DMD: variants seen among roughly 807,000 people sequenced by gnomAD.
DMD encodes dystrophin, also known as mutant dystrophin.
Under a neutral mutation model 330.1 loss-of-function variants are expected in DMD, and 63 were observed. The ratio of observed to expected loss-of-function variants is 0.19; its 90% CI spans 0.16 to 0.24. The LOEUF (loss-of-function observed/expected upper bound fraction) is 0.24, where lower values mean the gene tolerates loss of function less well. Ranked by LOEUF, DMD falls within the 10% of genes least tolerant of loss-of-function variation. DMD has a pLI of 1.00. For synonymous variants in DMD, 1,223 were observed against 959.8 expected, an observed-to-expected ratio of 1.27 and a Z score of -5.07; for missense variants, 3,344 against 2,684.1, an observed-to-expected ratio of 1.25 and a Z score of -5.43.
chrX:31,228,309 C>T (rs1444778536), intron 63 of DMD, among the ~76,000 whole-genome samples: 1 of 105,758 alleles, frequency 9.5e-6, no homozygotes, highest in Non-Finnish European at 2.0e-5. Context: ...GCAGGGCAAA[C>T]GTTTAGCTTC....
At chrX:32,893,433 A>G (rs767178153) in intron 2 of DMD, among the ~76,000 whole-genome samples, 2 of 100,926 alleles carry the variant, frequency 2.0e-5, no homozygotes, top group South Asian at 5.3e-4. Flanking sequence ...TATCTCCTAT[A>G]TATGTTTGCA....
At chrX:32,036,853 T>C (rs1037700927) in intron 44 of DMD, among the ~76,000 whole-genome samples, 1 of 111,530 alleles carries the variant, frequency 9.0e-6, no homozygotes, top group African/African-American at 3.3e-5. Flanking sequence ...TAGAGTCATA[T>C]AAGCAAGGAA....
At chrX:33,099,283 C>T (rs775065090) in intron 1 of DMD, among the ~76,000 whole-genome samples, 5 of 110,919 alleles carry the variant, frequency 4.5e-5, no homozygotes, top group Non-Finnish European at 3.8e-5. Context: ...TCTTGTTGGG[C>T]GGTCTCTCCT....
chrX:32,190,600 T>C (rs1417660043), intron 44 of DMD, among the ~76,000 whole-genome samples: 1 of 88,797 alleles, frequency 1.1e-5, no homozygotes, highest in Non-Finnish European at 2.2e-5. Context: ...CCACAAGATT[T>C]TTATGGTGGT....
intron 55 of DMD, among the ~76,000 whole-genome samples, chrX:31,528,668 A>C (rs766893086): frequency 1.8e-5 from 2 of 112,229 alleles, no homozygotes; most frequent in Non-Finnish European, 3.8e-5. Flanking sequence ...TCTCATGTAC[A>C]ATTTCATTTC....
rs1220647724 is a variant in DMD at position 33,019,642 on chromosome X, A to G, written c.93+497T>C. 2.7e-5 allele frequency among the ~76,000 whole-genome samples: 3 copies of G among 111,680 alleles called. No homozygotes were observed. The Admixed American group carries it at 2.9e-4, about 11-fold the overall frequency. On this transcript the variant is annotated intron_variant, in intron 2 of 78. Transcript: ENST00000357033. ...TGCAAATTAAGTAAATATTAAGAGTATGGATTGAAGCCTGCACAAAAACAA... is the reference window on the plus strand; with the variant it reads ...TGCAAATTAAGTAAATATTAAGAGTGTGGATTGAAGCCTGCACAAAAACAA...
chrX:33,048,418 G>A (rs1369674680), intron 1 of DMD, among the ~76,000 whole-genome samples: 3 of 110,434 alleles, frequency 2.7e-5, no homozygotes, highest in African/African-American at 9.9e-5. Context: ...GACTGGGAGC[G>A]GTGGCTCACA....
At chrX:32,015,957 G>C (rs949134906) in intron 44 of DMD, among the ~76,000 whole-genome samples, 4 of 111,678 alleles carry the variant, frequency 3.6e-5, no homozygotes, top group Admixed American at 2.9e-4. Context: ...ACATCAGTTG[G>C]TGAGCATTAC....
chrX:32,211,878 A>G (rs1311537873), intron 44 of DMD, among the ~76,000 whole-genome samples: 2 of 112,155 alleles, frequency 1.8e-5, no homozygotes, highest in Non-Finnish European at 3.8e-5. Context: ...GGTAATTGTT[A>G]TTGTTTCTAC....
intron 60 of DMD, among the ~76,000 whole-genome samples, chrX:31,427,674 G>C (rs1488077449): frequency 3.6e-5 from 4 of 111,827 alleles, no homozygotes; most frequent in Non-Finnish European, 7.5e-5. Context: ...GTGGTGGTGA[G>C]GGGCATCCCA....
chrX:32,883,576 G>A (rs940337158), intron 2 of DMD, among the ~76,000 whole-genome samples: 2 of 110,148 alleles, frequency 1.8e-5, no homozygotes, highest in African/African-American at 3.3e-5. Flanking sequence ...TGTAATCCCC[G>A]CACTTTGGGA....
intron 30 of DMD, among the ~76,000 whole-genome samples, chrX:32,400,699 G>A (rs1468340837): frequency 1.8e-5 from 2 of 109,397 alleles, no homozygotes; most frequent in South Asian, 4.1e-4. Context: ...TGGAGAGGAT[G>A]TGGAGAAATA....
At chrX:33,104,407 A>C (rs2148392919) in intron 1 of DMD, among the ~76,000 whole-genome samples, 1 of 111,047 alleles carries the variant, frequency 9.0e-6, no homozygotes, top group Non-Finnish European at 1.9e-5. Context: ...ATTCCACCAC[A>C]AAAGAAGTGA....
At chrX:33,102,222 A>T (rs1005390214) in intron 1 of DMD, among the ~76,000 whole-genome samples, 1 of 111,228 alleles carries the variant, frequency 9.0e-6, no homozygotes, top group Admixed American at 9.6e-5. Flanking sequence ...TAACTCTAAA[A>T]TTTATTCATT....
intron 63 of DMD, among the ~76,000 whole-genome samples, chrX:31,253,530 G>A (rs1413495687): frequency 1.8e-5 from 2 of 112,026 alleles, no homozygotes; most frequent in African/African-American, 6.5e-5. Context: ...ATCAAAAGAG[G>A]AGAGTGAACA....
At chrX:31,433,331 C>T (rs1015122684) in intron 60 of DMD, among the ~76,000 whole-genome samples, 1 of 111,725 alleles carries the variant, frequency 9.0e-6, no homozygotes, top group African/African-American at 3.3e-5. Context: ...TATGTCTTTG[C>T]TATTGTGAAT....
At chrX:32,037,703 C>T (rs753196887) in intron 44 of DMD, among the ~76,000 whole-genome samples, 3 of 111,175 alleles carry the variant, frequency 2.7e-5, no homozygotes, top group Non-Finnish European at 5.7e-5. Context: ...TCCCATGATA[C>T]TCATTATACG....
intron 7 of DMD, among the ~76,000 whole-genome samples, chrX:32,795,089 T>C (rs2076091161): frequency 8.9e-6 from 1 of 112,072 alleles, no homozygotes; most frequent in African/African-American, 3.2e-5. Context: ...ACTCAAAGCA[T>C]TCTACATTGA....
chrX:33,093,715 G>T (rs755278408), intron 1 of DMD, among the ~76,000 whole-genome samples: 37 of 111,409 alleles, frequency 3.3e-4, no homozygotes, highest in Non-Finnish European at 7.0e-4. Context: ...GATTGAAACG[G>T]TGTAAAACAG....
Sources: gnomAD v4.1 joint callset for allele counts (sites outside exome capture counted in the v4.1 genomes callset) on GRCh38, gnomAD v4.1.1 for gene constraint, MANE v1.5 for transcripts, NCBI Gene and HGNC (gene_info 2026-07-23, HGNC 2026-07-21) for gene names.